Variants in LYPD6 observed in about 807,000 individuals in gnomAD.
LYPD6 encodes ly6/PLAUR domain-containing protein 6.
LYPD6 carries 15 observed loss-of-function variants against 22.7 expected under a neutral mutation model. The ratio of observed to expected loss-of-function variants is 0.66; its 90% CI spans 0.44 to 1.02. The LOEUF (loss-of-function observed/expected upper bound fraction) is 1.02, where lower values mean the gene tolerates loss of function less well. LYPD6 is among the 50% of genes least tolerant of loss of function. The pLI is 0.00. For synonymous variants in LYPD6, 72 were observed against 77.5 expected (o/e 0.93, Z 0.37); for missense variants, 189 against 208.4 (o/e 0.91, Z 0.57).
At chr2:149,333,208 A>G (rs1680971860) in intron 1 of LYPD6, among the ~76,000 whole-genome samples, 1 of 152,228 alleles carries the variant, frequency 6.6e-6, no homozygotes, top group Non-Finnish European at 1.5e-5. Flanking sequence ...TAGTGTACAA[A>G]TGTAGCAGAA....
chr2:149,402,650 C>T (rs1159639919), intron 1 of LYPD6, among the ~76,000 whole-genome samples: 1 of 151,984 alleles, frequency 6.6e-6, no homozygotes. Flanking sequence ...GAGCATTTTT[C>T]CATATACTTG....
At chr2:149,433,227 C>T (rs1262311582) in intron 1 of LYPD6, among the ~76,000 whole-genome samples, 2 of 152,120 alleles carry the variant, frequency 1.3e-5, no homozygotes, top group Non-Finnish European at 2.9e-5. Flanking sequence ...TTGAATCCCC[C>T]AAATTTGAAA....
intron 1 of LYPD6, among the ~76,000 whole-genome samples, chr2:149,415,843 T>A (rs901722629): frequency 2.5e-5 from 2 of 79,204 alleles, no homozygotes; most frequent in East Asian, 2.7e-4. Flanking sequence ...ATTTTTGTAA[T>A]TTTTTTTTGT....
intron 1 of LYPD6, among the ~76,000 whole-genome samples, chr2:149,381,207 T>C (rs1335444798): frequency 1.3e-5 from 2 of 152,188 alleles, no homozygotes; most frequent in Admixed American, 6.5e-5. Flanking sequence ...TGGTACCTTA[T>C]AGGGGAACTT....
At chr2:149,391,823 T>G (rs1471897447) in intron 1 of LYPD6, among the ~76,000 whole-genome samples, 1 of 152,180 alleles carries the variant, frequency 6.6e-6, no homozygotes, top group Non-Finnish European at 1.5e-5. Flanking sequence ...TGCATCCCTA[T>G]TGGTGGGGAA....
In LYPD6 at chr2:149,470,760, G is replaced by A. The variant is rs149755998; in HGVS notation, c.426G>A (p.Thr142=). 18 of 1,613,558 alleles carry A rather than the reference G, an allele frequency of 1.1e-5. No individual in the cohort carries two copies. The highest frequency in any genetic ancestry group is 8.9e-5 in the East Asian group (4 of 44,860). ...PRNETDATFA[T]TSPINQTNGH... is the part of the protein sequence containing the mutation. ...ATGAAACTGATGCCACATTTGCCAC[G>A]ACGTCACCTATAAATCAGACAAATG... Residue 142 remains threonine (T), a synonymous_variant, in exon 5 of 5, where the codon ACG becomes ACA. Coordinates refer to ENST00000334166, the MANE Select transcript of LYPD6 (RefSeq NM_194317.5).
chr2:149,405,406 T>A (rs1176993665), intron 1 of LYPD6, among the ~76,000 whole-genome samples: 1 of 152,320 alleles, frequency 6.6e-6, no homozygotes, highest in East Asian at 1.9e-4. Flanking sequence ...TTGCCACAAT[T>A]TCAGAGCCTG....
chr2:149,383,056 A>C (rs1682103809), intron 1 of LYPD6, among the ~76,000 whole-genome samples: 1 of 152,082 alleles, frequency 6.6e-6, no homozygotes. Flanking sequence ...ATTGTGGTGA[A>C]ATATATATTG....
intron 1 of LYPD6, among the ~76,000 whole-genome samples, chr2:149,400,072 G>C (rs1035339300): frequency 6.6e-6 from 1 of 152,204 alleles, no homozygotes; most frequent in African/African-American, 2.4e-5. Flanking sequence ...GTCCTTCCCA[G>C]CACACTGCAG....
intron 1 of LYPD6, among the ~76,000 whole-genome samples, chr2:149,361,325 G>A (rs1681568009): frequency 6.6e-6 from 1 of 152,164 alleles, no homozygotes; most frequent in Non-Finnish European, 1.5e-5. Context: ...TGCAGAGAGG[G>A]TGACACAGTT....
chr2:149,357,092 C>G (rs1052432492), intron 1 of LYPD6, among the ~76,000 whole-genome samples: 1 of 152,178 alleles, frequency 6.6e-6, no homozygotes, highest in Non-Finnish European at 1.5e-5. Flanking sequence ...ATTCTGACAG[C>G]CATTCAGTAA....
intron 1 of LYPD6, among the ~76,000 whole-genome samples, chr2:149,434,224 A>G (rs1683383279): frequency 6.6e-6 from 1 of 152,220 alleles, no homozygotes; most frequent in African/African-American, 2.4e-5. Context: ...AAAGGCAACA[A>G]AACAAAAATG....
chr2:149,450,706 G>A (rs555371776), intron 3 of LYPD6, among the ~76,000 whole-genome samples: 9 of 152,312 alleles, frequency 5.9e-5, no homozygotes, highest in Admixed American at 5.9e-4. Context: ...CATTGCTAAT[G>A]GATCTGATTA....
At chr2:149,469,624 T>C (rs1558819337) in intron 4 of LYPD6, among the ~76,000 whole-genome samples, 1 of 152,114 alleles carries the variant, frequency 6.6e-6, no homozygotes, top group Non-Finnish European at 1.5e-5. Context: ...TAATTAAAAT[T>C]TTAAATATAA....
At chr2:149,433,922 G>A (rs1683373218) in intron 1 of LYPD6, among the ~76,000 whole-genome samples, 3 of 152,094 alleles carry the variant, frequency 2.0e-5, no homozygotes, top group Admixed American at 2.0e-4. Context: ...TTATCAGAAA[G>A]GATGTGGAAT....
intron 1 of LYPD6, among the ~76,000 whole-genome samples, chr2:149,385,903 T>C (rs1682174077): frequency 6.6e-6 from 1 of 152,136 alleles, no homozygotes; most frequent in Non-Finnish European, 1.5e-5. Context: ...GGACTCCCTT[T>C]CCAGGGGTTG....
intron 1 of LYPD6, among the ~76,000 whole-genome samples, chr2:149,355,486 T>C (rs561168178): frequency 1.8e-4 from 27 of 152,338 alleles, no homozygotes; most frequent in African/African-American, 6.0e-4. Flanking sequence ...TTGTTTTTGA[T>C]ACCCTTCCAA....
chr2:149,408,592 T>G (rs750896961), intron 1 of LYPD6, among the ~76,000 whole-genome samples: 7 of 152,190 alleles, frequency 4.6e-5, no homozygotes, highest in Non-Finnish European at 8.8e-5. Flanking sequence ...TCTTGGAGGA[T>G]TTTTTCATTT....
rs1681263812 is a variant in LYPD6 at position 149,468,750 on chromosome 2, G to A, written c.323G>A (p.Arg108Lys). The stretch of plus-strand genomic sequence containing the variant: ...GAAGAGTGCTTATCCACTGGCTGCA[G>A]AGACTCCGAGCATGAAGGCCACAAG... ...PLEECLSTGC[R>K]DSEHEGHKVC... Residue 108 changes from arginine to lysine, a missense_variant, in exon 4 of 5, where the codon AGA (arginine) becomes AAA (lysine). Arg to Lys is a conservative substitution (Grantham distance 26, BLOSUM62 2). Coordinates refer to ENST00000334166, the MANE Select transcript of LYPD6 (RefSeq NM_194317.5). The A allele has an allele frequency of 6.2e-7, 1 of 1,613,568 alleles. No homozygotes were observed. The highest frequency in any genetic ancestry group is 8.5e-7 in the Non-Finnish European group (1 of 1,179,684).
Sources: allele counts gnomAD v4.1 joint callset (sites outside exome capture counted in the v4.1 genomes callset), GRCh38; gene constraint gnomAD v4.1.1; transcripts MANE v1.5; gene names NCBI Gene and HGNC (gene_info 2026-07-23, HGNC 2026-07-21).